CELF2: variants seen among roughly 807,000 people sequenced by gnomAD.
The protein encoded by CELF2 is CUG triplet repeat RNA-binding protein 2.
Under a neutral mutation model 62.6 loss-of-function variants are expected in CELF2, and 8 were observed. The ratio of observed to expected loss-of-function variants is 0.13; its 90% CI spans 0.07 to 0.23. The LOEUF (loss-of-function observed/expected upper bound fraction) is 0.23. Among genes scored for constraint, CELF2 ranks in the 10% least tolerant of loss-of-function variants. CELF2 has a pLI of 1.00. For missense variants in CELF2, 333 were observed against 671.0 expected (o/e 0.50, Z 5.56); for synonymous variants, 258 against 250.0 (o/e 1.03, Z -0.30).
chr10:10,590,316 T>A, the CELF2 span, among the ~76,000 whole-genome samples: 277 of 152,356 alleles, frequency 1.8e-3, 1 homozygote, highest in African/African-American at 6.2e-3. Context: ...CCCAGCCCTC[T>A]ATTTTAGCCA....
In CELF2 at chr10:11,207,507, G is replaced by T. The variant is rs568910920; in HGVS notation, c.272-9918G>T. Reference sequence around the variant, plus strand: ...CCTCCCGGGCTGAAAAGGTGGCTCAGATTTGCTGTCTGCGAGGAATCTTGC... The same window carrying T: ...CCTCCCGGGCTGAAAAGGTGGCTCATATTTGCTGTCTGCGAGGAATCTTGC... On this transcript the variant is annotated intron_variant, in intron 2 of 12. Coordinates refer to ENST00000633077, the MANE Select transcript of CELF2 (RefSeq NM_001326342.2). The surrounding 1 kb of genome is among the most constrained non-coding windows in gnomAD (Gnocchi z 4.1). 1.0e-4 allele frequency among the ~76,000 whole-genome samples: 16 copies of T among 152,382 alleles called. No individual in the cohort carries two copies. The highest frequency in any genetic ancestry group is 7.2e-4 in the Admixed American group (11 of 15,312).
chr10:11,187,870 A>T (rs1166327745), intron 2 of CELF2, among the ~76,000 whole-genome samples: 4 of 152,210 alleles, frequency 2.6e-5, no homozygotes. Flanking sequence ...AATTTCTTTT[A>T]TAGATATTTC....
chr10:10,651,064 G>C, the CELF2 span, among the ~76,000 whole-genome samples: 1 of 151,680 alleles, frequency 6.6e-6, no homozygotes, highest in Non-Finnish European at 1.5e-5. Context: ...CTTGGGAAGC[G>C]CAAGGGGTCA....
chr10:11,094,850 A>G (rs543292481), intron 1 of CELF2, among the ~76,000 whole-genome samples: 5 of 152,336 alleles, frequency 3.3e-5, no homozygotes, highest in South Asian at 2.1e-4. Context: ...GACATTGACA[A>G]GAACTCTAGT....
chr10:10,543,165 A>G, the CELF2 span, among the ~76,000 whole-genome samples: 1 of 152,110 alleles, frequency 6.6e-6, no homozygotes, highest in East Asian at 1.9e-4. Context: ...ATACTACTTA[A>G]TATTTGCCTG....
At chr10:10,824,912 G>T (rs2057263048) in intron 1 of CELF2, among the ~76,000 whole-genome samples, 1 of 152,176 alleles carries the variant, frequency 6.6e-6, no homozygotes, top group Admixed American at 6.5e-5. Flanking sequence ...ACATGGACCT[G>T]GGCCACCTAA....
At chr10:11,122,045 G>A (rs12411468) in intron 1 of CELF2, among the ~76,000 whole-genome samples, 1,954 of 152,322 alleles carry the variant, frequency 0.013, 43 homozygotes, top group Admixed American at 0.046. Context: ...ACACCCAGGT[G>A]AGGTACACTA....
At position 11,300,471 on chromosome 10, in the gene CELF2, GGAGT is replaced by G. The variant is rs1486625691; in HGVS notation, c.976+11921_976+11924del. 1.3e-5 allele frequency among the ~76,000 whole-genome samples: 2 copies of G among 152,128 alleles called. No homozygotes were observed. The highest frequency in any genetic ancestry group is 4.8e-5 in the African/African-American group (2 of 41,416). ...GGGGAAGGTACCCTCTTCCAGGCTG[GGAGT>G]GTGAGGTCACACCTCACCACTGCAG... On this transcript the variant is annotated intron_variant, in intron 9 of 12. Coordinates refer to ENST00000633077, the MANE Select transcript of CELF2 (RefSeq NM_001326342.2). This position sits in a 1 kb window ranked among gnomAD's most constrained non-coding sequence, Gnocchi z 5.5.
chr10:10,650,626 A>G, the CELF2 span, among the ~76,000 whole-genome samples: 3 of 152,258 alleles, frequency 2.0e-5, no homozygotes, highest in African/African-American at 7.2e-5. Flanking sequence ...CTGCAATGAG[A>G]TACAACTTCA....
Position 11,145,583 on chromosome 10 carries a change from G to A in CELF2, c.75-19903G>A, listed in dbSNP as rs1294802677. ...ATCAGCTACTGAAAAGGGTGGGGAC[G>A]CTGAAGGCAGGAAGTGGAGAGCGGA... is the stretch of plus-strand genomic sequence containing the variant. On this transcript the variant is annotated intron_variant, in intron 1 of 12. Coordinates refer to ENST00000633077, the MANE Select transcript of CELF2 (RefSeq NM_001326342.2). The surrounding 1 kb of genome is among the most constrained non-coding windows in gnomAD (Gnocchi z 4.3). Among the ~76,000 whole-genome samples, 3 of 152,190 alleles carry A rather than the reference G, an allele frequency of 2.0e-5. No homozygotes were observed. The highest frequency in any genetic ancestry group is 3.8e-4 in the East Asian group (2 of 5,200).
intron 2 of CELF2, among the ~76,000 whole-genome samples, chr10:10,971,078 T>C (rs73579417): frequency 0.026 from 3,928 of 152,260 alleles, 174 homozygotes; most frequent in African/African-American, 0.089. Context: ...TTTTAGCCTC[T>C]CTCAACTCCT....
Position 11,333,416 on chromosome 10 carries a change from T to C in CELF2, c.*4363T>C, listed in dbSNP as rs2096065379. The C allele has an allele frequency of 6.5e-6, 1 of 152,778 alleles. No homozygotes were observed. Among genetic ancestry groups the C allele is most frequent in the Middle Eastern group, 3.4e-3 (1 of 294 alleles). 9.5% of individuals were successfully genotyped at this position (152,778 alleles called of 1,614,324 possible). A position where few individuals can be genotyped will look rare whatever the true frequency, so the allele number is the denominator to read the frequency against. ...GTCATTTTTAATCTAAATTAGAGAA[T>C]TGTGATACAATGGCAGTCCTCAAAG... On this transcript the variant is annotated 3_prime_UTR_variant, in exon 13 of 13. Coordinates refer to ENST00000633077, the MANE Select transcript of CELF2 (RefSeq NM_001326342.2).
At chr10:10,945,024 G>A (rs1189100908) in intron 2 of CELF2, among the ~76,000 whole-genome samples, 1 of 152,168 alleles carries the variant, frequency 6.6e-6, no homozygotes, top group Non-Finnish European at 1.5e-5. Flanking sequence ...GCACAGACAG[G>A]ATCAGCCTGA....
the CELF2 span, among the ~76,000 whole-genome samples, chr10:10,653,506 T>C: frequency 3.6e-5 from 5 of 140,002 alleles, no homozygotes; most frequent in Non-Finnish European, 6.2e-5. Flanking sequence ...ACAGAAATTA[T>C]AACAAACTAT....
At chr10:10,481,650 T>A in the CELF2 span, among the ~76,000 whole-genome samples, 84 of 152,190 alleles carry the variant, frequency 5.5e-4, no homozygotes, top group Non-Finnish European at 1.1e-3. Flanking sequence ...ATGACATTAT[T>A]GGAAAATTAA....
chr10:11,204,255 A>G (rs776685034), intron 2 of CELF2, among the ~76,000 whole-genome samples: 2 of 152,196 alleles, frequency 1.3e-5, no homozygotes, highest in African/African-American at 2.4e-5. Context: ...CTGTGTATAC[A>G]TTATTTTACT....
At chr10:10,967,850 T>G (rs939190231) in intron 2 of CELF2, among the ~76,000 whole-genome samples, 7 of 152,120 alleles carry the variant, frequency 4.6e-5, no homozygotes, top group African/African-American at 1.7e-4. Context: ...CGAAGTGTCT[T>G]GGGACAAATG....
rs1172378365 is a variant in CELF2 at position 11,318,741 on chromosome 10, T to G, written c.1097-2448T>G. ...AAGAGTTCAAAGTAGGAAGATAATT[T>G]TTCTGACCTGGAAATTAAAAAAACA... On this transcript the variant is annotated intron_variant, in intron 10 of 12. Transcript: ENST00000633077. This position sits in a 1 kb window ranked among gnomAD's most constrained non-coding sequence, Gnocchi z 5.4. 4.3e-6 allele frequency: 2 copies of G among 467,328 alleles called. No individual in the cohort carries two copies. The allele number at this position is 467,328 out of a possible 1,614,324, so 28.9% of individuals were successfully genotyped here.
intron 1 of CELF2, among the ~76,000 whole-genome samples, chr10:11,142,691 A>G (rs2061557202): frequency 6.6e-6 from 1 of 151,774 alleles, no homozygotes; most frequent in Admixed American, 6.6e-5. Context: ...CTCAAAAAAA[A>G]AAAAAAAAAA....
Sources: gnomAD v4.1 joint callset for allele counts (sites outside exome capture counted in the v4.1 genomes callset) on GRCh38, gnomAD v4.1.1 for gene constraint, Gnocchi (gnomAD v3.1) non-coding constraint, MANE v1.5 for transcripts, NCBI Gene and HGNC (gene_info 2026-07-23, HGNC 2026-07-21) for gene names.